URI1: variants seen among roughly 807,000 people sequenced by gnomAD.
The protein encoded by URI1 is URI1 prefoldin like chaperone.
In URI1, 39 loss-of-function variants were observed where a neutral mutation model predicts 60.2. The ratio of observed to expected loss-of-function variants is 0.65; its 90% CI spans 0.50 to 0.85. The LOEUF is 0.85. Among genes scored for constraint, URI1 ranks in the 40% least tolerant of loss-of-function variants. The pLI, the probability that URI1 is intolerant of heterozygous loss-of-function variation, is 0.00. For missense variants in URI1, 691 were observed against 665.9 expected, an observed-to-expected ratio of 1.04 and a Z score of -0.42; for synonymous variants, 251 against 236.8, an observed-to-expected ratio of 1.06 and a Z score of -0.55.
intron 2 of URI1, 119 bp from the exon 3 acceptor site, chr19:29,985,103 GA>G (rs2055647201): frequency 1.2e-6 from 1 of 854,874 alleles, no homozygotes; most frequent in African/African-American, 2.3e-5. Flanking sequence ...CTGGGCGACG[GA>G]GCGACACTCT....
chr19:29,982,075 G>A (rs1372878218), intron 2 of URI1, among the ~76,000 whole-genome samples: 1 of 152,200 alleles, frequency 6.6e-6, no homozygotes, highest in East Asian at 1.9e-4. Context: ...CACGAATGTA[G>A]CCTTTAGAGA....
chr19:29,932,073 A>G (rs1474972523), intron 1 of URI1, among the ~76,000 whole-genome samples: 1 of 152,030 alleles, frequency 6.6e-6, no homozygotes, highest in African/African-American at 2.4e-5. Context: ...TGCTGTGACT[A>G]GAACTCTTAG....
chr19:29,969,504 C>G (rs2055432219), intron 1 of URI1, among the ~76,000 whole-genome samples: 1 of 152,104 alleles, frequency 6.6e-6, no homozygotes, highest in Non-Finnish European at 1.5e-5. Context: ...AGAAGATTTC[C>G]TCGAAGGTCC....
intron 1 of URI1, among the ~76,000 whole-genome samples, chr19:29,946,300 T>G (rs1414307840): frequency 2.0e-5 from 3 of 152,202 alleles, no homozygotes; most frequent in East Asian, 3.8e-4. Context: ...TTCCTTGTAC[T>G]AAGATCTTGT....
In URI1 at chr19:29,933,947, T is replaced by TC. The variant is rs1599648321; in HGVS notation, c.63+10193_63+10194insC. ...TTCTTTTTCTTTTCTTCCCTTTTTT[T>TC]TTTTTTGAGATGAAGTCTTGCTCTG... is the stretch of plus-strand genomic sequence containing the variant. On this transcript the variant is annotated intron_variant, in intron 1 of 10. Transcript: ENST00000360605. Among the ~76,000 whole-genome samples, 4 of 147,028 alleles carry TC rather than the reference T, an allele frequency of 2.7e-5. 1 individual carries two copies. The East Asian group carries it at 8.1e-4, about 30-fold the overall frequency.
intron 1 of URI1, among the ~76,000 whole-genome samples, chr19:29,961,081 G>T (rs879874326): frequency 6.6e-6 from 1 of 151,420 alleles, no homozygotes. Context: ...GGGTGGTCTC[G>T]AACTCCTGGC....
At chr19:29,978,687 G>GT (rs2055555686) in intron 2 of URI1, among the ~76,000 whole-genome samples, 1 of 152,196 alleles carries the variant, frequency 6.6e-6, no homozygotes, top group South Asian at 2.1e-4. Context: ...ACAGATTGGG[G>GT]TGGGTATCAG....
intron 1 of URI1, among the ~76,000 whole-genome samples, chr19:29,927,789 C>T (rs2054882445): frequency 1.3e-5 from 2 of 151,804 alleles, no homozygotes; most frequent in South Asian, 4.2e-4. Context: ...GTTGGTCAGG[C>T]TGGTCTCAAA....
intron 4 of URI1, among the ~76,000 whole-genome samples, chr19:29,992,919 C>T (rs1455871206): frequency 6.6e-6 from 1 of 152,116 alleles, no homozygotes; most frequent in African/African-American, 2.4e-5. Context: ...TGACAACAGG[C>T]ATTTGGCCAC....
intron 1 of URI1, among the ~76,000 whole-genome samples, chr19:29,959,355 T>G (rs772719045): frequency 2.0e-5 from 3 of 152,196 alleles, no homozygotes; most frequent in Non-Finnish European, 4.4e-5. Flanking sequence ...CTTGAACTTC[T>G]GGGATCAAGC....
chr19:29,959,691 T>G (rs1435978587), intron 1 of URI1, among the ~76,000 whole-genome samples: 1 of 152,234 alleles, frequency 6.6e-6, no homozygotes, highest in African/African-American at 2.4e-5. Flanking sequence ...TCAGTAGATT[T>G]GGTGGTGATG....
chr19:29,930,697 GT>G (rs527867838), intron 1 of URI1, among the ~76,000 whole-genome samples: 23 of 151,416 alleles, frequency 1.5e-4, no homozygotes, highest in African/African-American at 5.6e-4. Flanking sequence ...AATGTTTTTT[GT>G]TTTTTTTGTT....
chr19:29,970,012 T>A (rs1236660200), intron 1 of URI1, among the ~76,000 whole-genome samples: 1 of 152,064 alleles, frequency 6.6e-6, no homozygotes, highest in African/African-American at 2.4e-5. Context: ...ATAGCATGTA[T>A]TTTGGTACAG....
chr19:29,959,097 T>C (rs1470797617), intron 1 of URI1, among the ~76,000 whole-genome samples: 2 of 152,218 alleles, frequency 1.3e-5, no homozygotes, highest in Non-Finnish European at 2.9e-5. Flanking sequence ...TAAAAGTTTA[T>C]ACACTGTTGT....
rs747521758 is a variant in URI1 at position 30,011,158 on chromosome 19, G to A, written c.1100G>A (p.Arg367His). Residue 367 changes from arginine (R) to histidine (H), a missense_variant, in exon 9 of 11, where the codon CGT becomes CAT. Coordinates refer to ENST00000392271, the MANE Select transcript of URI1 (RefSeq NM_003796.3). Reference protein sequence around the residue: ...KFSEKKEEAKRKRKNSTGSGH... With the variant: ...KFSEKKEEAKHKRKNSTGSGH... ...AGTGAAAAGAAAGAAGAAGCCAAAC[G>A]TAAACGAAAGAACAGCACTGGCAGT... The A allele has an allele frequency of 1.9e-5, 30 of 1,612,816 alleles. No individual in the cohort carries two copies. The highest frequency in any genetic ancestry group is 2.5e-5 in the Non-Finnish European group (29 of 1,179,640).
intron 1 of URI1, among the ~76,000 whole-genome samples, chr19:29,962,298 G>A (rs1599678057): frequency 7.4e-6 from 1 of 134,868 alleles, no homozygotes; most frequent in Admixed American, 7.2e-5. Context: ...CAAACATTTT[G>A]TATTGTTATT....
At chr19:29,934,612 T>C (rs2054952570) in intron 1 of URI1, among the ~76,000 whole-genome samples, 1 of 152,234 alleles carries the variant, frequency 6.6e-6, no homozygotes, top group South Asian at 2.1e-4. Context: ...CATAGCTCAC[T>C]GCAGCTTCGA....
intron 3 of URI1, 33 bp downstream of exon 3, chr19:29,985,334 T>A: frequency 6.4e-7 from 1 of 1,555,406 alleles, no homozygotes; most frequent in Non-Finnish European, 8.9e-7. Context: ...AAAGTAATAG[T>A]TGTTTCTTGT....
At chr19:29,952,427 T>G (rs1568413122) in intron 1 of URI1, among the ~76,000 whole-genome samples, 1 of 152,222 alleles carries the variant, frequency 6.6e-6, no homozygotes, top group South Asian at 2.1e-4. Flanking sequence ...ACTCACGGAT[T>G]CTTAATTTTT....
Sources: allele counts gnomAD v4.1 joint callset (sites outside exome capture counted in the v4.1 genomes callset), GRCh38; gene constraint gnomAD v4.1.1; transcripts MANE v1.5; gene names NCBI Gene and HGNC (gene_info 2026-07-23, HGNC 2026-07-21).